The following CYP2C8 variants were observed in gnomAD, a reference collection of about 807,000 sequenced individuals.
CYP2C8 encodes the protein cytochrome P450 2C8.
Under a neutral mutation model 41.3 loss-of-function variants are expected in CYP2C8, and 51 were observed. That is an observed-to-expected ratio of 1.24 (90% CI 0.99 to 1.56). The LOEUF (loss-of-function observed/expected upper bound fraction) is 1.56, where lower values mean the gene tolerates loss of function less well. CYP2C8 is among the 40% of genes most tolerant of loss of function. The pLI is 0.00. For missense variants in CYP2C8, 651 were observed against 579.9 expected, an observed-to-expected ratio of 1.12 and a Z score of -1.26; for synonymous variants, 218 against 205.8, an observed-to-expected ratio of 1.06 and a Z score of -0.51.
At chr10:95,044,450 C>T (rs1406842698) in intron 6 of CYP2C8, among the ~76,000 whole-genome samples, 1 of 152,112 alleles carries the variant, frequency 6.6e-6, no homozygotes, top group Non-Finnish European at 1.5e-5. Flanking sequence ...ATTCACTCTG[C>T]TGGACATTTA....
rs11572175 is a variant in CYP2C8 at position 95,037,810 on chromosome 10, T to G, written c.1292-501A>C. 6.9e-3 allele frequency among the ~76,000 whole-genome samples: 1,048 copies of G among 152,342 alleles called. 54 individuals are homozygous for G. Among genetic ancestry groups the G allele is most frequent in the Admixed American group, 0.062 (946 of 15,302 alleles). On this transcript the variant is annotated intron_variant, in intron 8 of 8. Coordinates refer to ENST00000371270, the MANE Select transcript of CYP2C8 (RefSeq NM_000770.3). ...CCATGAAGTTTCAAGTTTCATATCC[T>G]GTTGTTCATTTTGGCTAAGATACAT...
intron 4 of CYP2C8, 130 bp downstream of exon 4, chr10:95,064,670 T>C (rs1185106220): frequency 5.5e-6 from 5 of 915,246 alleles, no homozygotes; most frequent in Non-Finnish European, 5.0e-6. Flanking sequence ...AGGTGGTAAT[T>C]ATTTTCTTCA....
chr10:95,058,542 A>G (rs762233824), intron 4 of CYP2C8, 31 bp from the exon 5 acceptor site: 3 of 1,548,012 alleles, frequency 1.9e-6, no homozygotes, highest in East Asian at 2.4e-5. Flanking sequence ...AAATATAAAC[A>G]TGTCATAAGA....
Position 95,036,917 on chromosome 10 carries a change from T to C in CYP2C8, c.*211A>G, listed in dbSNP as rs2032892638. ...AGAAAAGTATTAGCATATGCAGCAA[T>C]TAATACAAGTGTTACAGAGTATGAA... is the stretch of plus-strand genomic sequence containing the variant. On this transcript the variant is annotated 3_prime_UTR_variant, in exon 9 of 9. Coordinates refer to ENST00000371270, the MANE Select transcript of CYP2C8 (RefSeq NM_000770.3). 3 of 601,558 alleles carry C rather than the reference T, an allele frequency of 5.0e-6. No individual in the cohort carries two copies. The South Asian group carries it at 5.8e-5, about 12-fold the overall frequency. The allele number at this position is 601,558 out of a possible 1,614,324, so 37.3% of individuals were successfully genotyped here. A position where few individuals can be genotyped will look rare whatever the true frequency, so the allele number is the denominator to read the frequency against.
chr10:95,064,936 A>T lies in CYP2C8; in HGVS notation c.506T>A (p.Ile169Asn). ...TKASPCDPTFILGCAPCNVIC... is the reference protein window; with the variant it reads ...TKASPCDPTFNLGCAPCNVIC... ...CACATTGCAGGGAGCACAGCCCAGG[A>T]TGAAAGTGGGATCACAGGGTGAAGC... The change falls in exon 4 of 9, where the codon ATC becomes AAC. Residue 169 changes from isoleucine to asparagine, a missense_variant. By Grantham distance (149) the Ile-to-Asn change is moderately radical. Transcript: ENST00000371270. 1 of 1,590,598 alleles carries T rather than the reference A, an allele frequency of 6.3e-7. No individual in the cohort carries two copies. The highest frequency in any genetic ancestry group is 8.6e-7 in the Non-Finnish European group (1 of 1,168,360).
At chr10:95,045,713 G>T in intron 6 of CYP2C8, 97 bp downstream of exon 6, 1 of 1,454,748 alleles carries the variant, frequency 6.9e-7, no homozygotes, top group South Asian at 1.1e-5. Flanking sequence ...GAAATTTAAA[G>T]AATGAGCCTT....
chr10:95,058,538 A>G lies in CYP2C8; in HGVS notation c.643-27T>C, dbSNP rs369123928. The G allele has an allele frequency of 4.3e-4, 675 of 1,567,706 alleles. 2 individuals are homozygous for G. The highest frequency in any genetic ancestry group is 5.4e-4 in the Non-Finnish European group (624 of 1,148,478). ...TAAAAGAGAAAAGAATATTAAATAT[A>G]AACATGTCATAAGATATATGTATCT... On this transcript the variant is annotated intron_variant, in intron 4 of 8. Coordinates refer to ENST00000371270, the MANE Select transcript of CYP2C8 (RefSeq NM_000770.3).
chr10:95,044,819 T>C (rs2134412722), intron 6 of CYP2C8, among the ~76,000 whole-genome samples: 1 of 152,322 alleles, frequency 6.6e-6, no homozygotes, highest in East Asian at 1.9e-4. Flanking sequence ...TCTTTGGCTC[T>C]TGGTGCCTCC....
chr10:95,037,227 C>G lies in CYP2C8; in HGVS notation c.1374G>C (p.Leu458=). The change falls in exon 9 of 9, where the codon CTG becomes CTC. Residue 458 remains leucine, a synonymous_variant. Coordinates refer to ENST00000371270, the MANE Select transcript of CYP2C8 (RefSeq NM_000770.3). ...FLTTILQNFN[L]KSVDDLKNLN... is the part of the protein sequence containing the mutation. ...GGTTCTTTAAATCATCAACAGATTTCAGGTTAAAGTTCTGTAAAATTGTGG... is the reference window on the plus strand; with the variant it reads ...GGTTCTTTAAATCATCAACAGATTTGAGGTTAAAGTTCTGTAAAATTGTGG... 6.2e-7 allele frequency: 1 copy of G among 1,613,830 alleles called. No individual in the cohort carries two copies.
chr10:95,045,147 ACTCT>A, intron 6 of CYP2C8, among the ~76,000 whole-genome samples: 2 of 152,232 alleles, frequency 1.3e-5, no homozygotes, highest in Non-Finnish European at 2.9e-5. Flanking sequence ...TGTAGAGTTT[ACTCT>A]AAGGGTAAAT....
intron 3 of CYP2C8, 91 bp downstream of exon 3, chr10:95,067,117 A>G (rs1224972928): frequency 1.4e-5 from 22 of 1,577,670 alleles, no homozygotes. Context: ...ATGCGCAATG[A>G]AGACCTGGCC....
chr10:95,064,937 T>C lies in CYP2C8; in HGVS notation c.505A>G (p.Ile169Val), dbSNP rs758016430. Residue 169 changes from isoleucine (I) to valine (V), a missense_variant, in exon 4 of 9, where the codon ATC becomes GTC. Coordinates refer to ENST00000371270, the MANE Select transcript of CYP2C8 (RefSeq NM_000770.3). ...ACATTGCAGGGAGCACAGCCCAGGA[T>C]GAAAGTGGGATCACAGGGTGAAGCT... ...TKASPCDPTF[I>V]LGCAPCNVIC... The C allele has an allele frequency of 4.4e-6, 7 of 1,589,962 alleles. No homozygotes were observed. The African/African-American group carries it at 6.7e-5, about 15-fold the overall frequency.
intron 4 of CYP2C8, among the ~76,000 whole-genome samples, chr10:95,064,119 T>C (rs1196997199): frequency 6.6e-6 from 1 of 152,174 alleles, no homozygotes; most frequent in Non-Finnish European, 1.5e-5. Context: ...TCAGATCTCA[T>C]ACTCCATGCT....
intron 3 of CYP2C8, among the ~76,000 whole-genome samples, chr10:95,065,418 A>G (rs2033541471): frequency 6.6e-6 from 1 of 152,192 alleles, no homozygotes; most frequent in African/African-American, 2.4e-5. Context: ...AGTTAGGGAG[A>G]TTGTGGGTGA....
In CYP2C8 at chr10:95,067,655, A is replaced by T; in HGVS notation, c.205T>A (p.Phe69Ile). The T allele has an allele frequency of 1.2e-6, 2 of 1,614,192 alleles. No individual in the cohort carries two copies. Among genetic ancestry groups the T allele is most frequent in the Non-Finnish European group, 1.7e-6 (2 of 1,180,034 alleles). Reference sequence around the variant, plus strand: ...AACACCACTATGGGATTCATGCCAAAATACACGGTGAACACAGGACCATAG... The same window carrying T: ...AACACCACTATGGGATTCATGCCAATATACACGGTGAACACAGGACCATAG... Reference protein sequence around the residue: ...KVYGPVFTVYFGMNPIVVFHG... With the variant: ...KVYGPVFTVYIGMNPIVVFHG... Residue 69 changes from phenylalanine to isoleucine, a missense_variant, in exon 2 of 9, where the codon TTT becomes ATT. Phe to Ile is a conservative substitution (Grantham distance 21). Transcript: ENST00000371270.
intron 5 of CYP2C8, among the ~76,000 whole-genome samples, chr10:95,049,316 G>A (rs1054702089): frequency 3.9e-5 from 6 of 152,124 alleles, no homozygotes; most frequent in East Asian, 1.9e-4. Context: ...AGATGAGCAT[G>A]CACCTTGATT....
At position 95,043,549 on chromosome 10, in the gene CYP2C8, A is replaced by C. The variant is rs77299501; in HGVS notation, c.962-472T>G. 3.1e-3 allele frequency among the ~76,000 whole-genome samples: 477 copies of C among 152,274 alleles called. 1 individual carries two copies. The highest frequency in any genetic ancestry group is 0.011 in the African/African-American group (471 of 41,552). On this transcript the variant is annotated intron_variant, in intron 6 of 8. Transcript: ENST00000371270. Reference sequence around the variant, plus strand: ...CATTCTTCCATTTCCAATTGTGGCCACTTTGAGCATGCTAGCAGTTTCTTC... The same window carrying C: ...CATTCTTCCATTTCCAATTGTGGCCCCTTTGAGCATGCTAGCAGTTTCTTC...
chr10:95,059,769 G>A (rs187440104), intron 4 of CYP2C8, among the ~76,000 whole-genome samples: 7 of 152,054 alleles, frequency 4.6e-5, no homozygotes, highest in Non-Finnish European at 1.0e-4. Flanking sequence ...GAATTTTTAT[G>A]GTTTTAGGTC....
chr10:95,042,365 A>G (rs747275282), intron 7 of CYP2C8, among the ~76,000 whole-genome samples: 8 of 151,988 alleles, frequency 5.3e-5, no homozygotes, highest in African/African-American at 1.9e-4. Context: ...TCAGAATAGT[A>G]TAATTGAATA....
Sources: gnomAD v4.1 joint callset for allele counts (sites outside exome capture counted in the v4.1 genomes callset) on GRCh38, gnomAD v4.1.1 for gene constraint, MANE v1.5 for transcripts, NCBI Gene and HGNC (gene_info 2026-07-23, HGNC 2026-07-21) for gene names.